PLAA: variants seen among roughly 807,000 people sequenced by gnomAD.
PLAA encodes the protein phospholipase A-2-activating protein.
PLAA carries 48 observed loss-of-function variants against 84.1 expected under a neutral mutation model. The observed-to-expected ratio is 0.57, with a 90% CI of 0.45 to 0.73. The LOEUF is 0.73. PLAA is among the 30% of genes least tolerant of loss of function. PLAA has a pLI of 0.00. For missense variants in PLAA, 903 were observed against 954.7 expected (o/e 0.95, Z 0.71); for synonymous variants, 392 against 336.6 (o/e 1.16, Z -1.80).
In PLAA at chr9:26,919,538, G is replaced by C; in HGVS notation, c.1198-9C>G. The C allele has an allele frequency of 1.4e-6, 2 of 1,479,192 alleles. No individual in the cohort carries two copies. The highest frequency in any genetic ancestry group is 1.1e-5 in the South Asian group (1 of 87,588). 91.6% of individuals were successfully genotyped at this position (1,479,192 alleles called of 1,614,324 possible). ...AAAACATAATCAAATTCCTAAAGTA[G>C]GAATATAAAAAGGAGATACATGCTT... On this transcript the variant is annotated splice_polypyrimidine_tract_variant and intron_variant, in intron 8 of 13. Transcript: ENST00000397292.
In PLAA at chr9:26,947,109, C is replaced by A; in HGVS notation, c.-64G>T. On this transcript the variant is annotated 5_prime_UTR_variant, in exon 1 of 14. Coordinates refer to ENST00000397292, the MANE Select transcript of PLAA (RefSeq NM_001031689.3). ...GCGAGACCAGTCCGCAGGGGCGACT[C>A]GGAGAGCGCCGGGCCGCGGCGGGAG... 7.1e-7 allele frequency: 1 copy of A among 1,408,760 alleles called. No homozygotes were observed. 87.3% of individuals were successfully genotyped at this position (1,408,760 alleles called of 1,614,324 possible). A position where few individuals can be genotyped will look rare whatever the true frequency, so the allele number is the denominator to read the frequency against.
chr9:26,919,575 A>G (rs753591699), intron 8 of PLAA, 46 bp from the exon 9 acceptor site: 1 of 998,310 alleles, frequency 1.0e-6, no homozygotes, highest in African/African-American at 1.6e-5. Flanking sequence ...TTATCTGTTC[A>G]CATATATTAA....
intron 6 of PLAA, 33 bp downstream of exon 6, chr9:26,925,792 A>G (rs1034582152): frequency 2.5e-6 from 4 of 1,606,040 alleles, no homozygotes; most frequent in South Asian, 1.1e-5. Context: ...GCCTAGACAT[A>G]TAACATTTAA....
At chr9:26,917,074 C>A (rs757816431) in intron 10 of PLAA, 23 bp downstream of exon 10, 3 of 1,594,252 alleles carry the variant, frequency 1.9e-6, no homozygotes, top group Non-Finnish European at 2.6e-6. Context: ...AAGAAAGATA[C>A]ATGAATCAAA....
chr9:26,928,394 A>C lies in PLAA; in HGVS notation c.358T>G (p.Ser120Ala). ...GHKNTVCSLS[S>A]GKFGTLLSGS... ...CTAAGTAATGTCCCAAATTTTCCAG[A>C]TGATAGACTACAAACTAAGGAAAAA... Residue 120 changes from serine to alanine, a missense_variant, in exon 3 of 14, where the codon TCT becomes GCT. Transcript: ENST00000397292. 6.2e-7 allele frequency: 1 copy of C among 1,608,378 alleles called. No homozygotes were observed.
intron 1 of PLAA, among the ~76,000 whole-genome samples, chr9:26,944,023 C>T (rs762399312): frequency 6.6e-6 from 1 of 152,154 alleles, no homozygotes; most frequent in Non-Finnish European, 1.5e-5. Context: ...GTGCTGGAAA[C>T]TTAACCTTCA....
chr9:26,941,512 A>G (rs1055805388), intron 1 of PLAA, among the ~76,000 whole-genome samples: 1 of 152,176 alleles, frequency 6.6e-6, no homozygotes, highest in Non-Finnish European at 1.5e-5. Flanking sequence ...TTCTCTACCC[A>G]TAACACTGAG....
At chr9:26,909,517 G>T (rs1392483353) in intron 12 of PLAA, among the ~76,000 whole-genome samples, 1 of 151,920 alleles carries the variant, frequency 6.6e-6, no homozygotes, top group Non-Finnish European at 1.5e-5. Context: ...AAGCTAATAA[G>T]TACTCTTAGT....
At position 26,906,040 on chromosome 9, in the gene PLAA, G is replaced by T; in HGVS notation, c.1859C>A (p.Ser620Ter). The change falls in exon 14 of 14, where the codon TCA becomes TAA. Residue 620 changes from serine to a stop codon, truncating the protein, a stop_gained. Transcript: ENST00000397292. LOFTEE classifies it high-confidence loss of function. Reference sequence around the variant, plus strand: ...CTCATTCACACTGGGGTGTTTAATTGACAACCGAAGAATGTCAAGTGCAGG... The same window carrying T: ...CTCATTCACACTGGGGTGTTTAATTTACAACCGAAGAATGTCAAGTGCAGG... ...VFPALDILRL[S>*]IKHPSVNENF... The T allele has an allele frequency of 6.3e-7, 1 of 1,580,340 alleles. No individual in the cohort carries two copies.
Position 26,920,214 on chromosome 9 carries a change from G to A in PLAA, c.1197+13C>T. 1 of 1,606,368 alleles carries A rather than the reference G, an allele frequency of 6.2e-7. No homozygotes were observed. Among genetic ancestry groups the A allele is most frequent in the Non-Finnish European group, 8.5e-7 (1 of 1,173,500 alleles). ...TTAAGACAATAGTAATTAGAAAGTA[G>A]AAGTCGACATACTTTCCCTTCATAT... is the stretch of plus-strand genomic sequence containing the variant. On this transcript the variant is annotated intron_variant, in intron 8 of 13. Transcript: ENST00000397292.
chr9:26,922,266 GTTTT>G (rs776925414), intron 7 of PLAA, among the ~76,000 whole-genome samples: 2 of 146,538 alleles, frequency 1.4e-5, no homozygotes, highest in African/African-American at 5.1e-5. Context: ...ATGGCAAACT[GTTTT>G]TTTTTGTTTT....
intron 1 of PLAA, among the ~76,000 whole-genome samples, chr9:26,938,325 A>G (rs1000539482): frequency 6.6e-6 from 1 of 152,120 alleles, no homozygotes; most frequent in East Asian, 1.9e-4. Flanking sequence ...GAGTGCTGCG[A>G]CCACACTCAA....
At chr9:26,920,195 C>A (rs777286938) in intron 8 of PLAA, 32 bp downstream of exon 8, 11 of 1,581,992 alleles carry the variant, frequency 7.0e-6, no homozygotes, top group Non-Finnish European at 9.5e-6. Context: ...ATATTTAAGA[C>A]AATAGTAATT....
At chr9:26,935,909 T>C (rs1825344143) in intron 1 of PLAA, among the ~76,000 whole-genome samples, 1 of 151,612 alleles carries the variant, frequency 6.6e-6, no homozygotes, top group Non-Finnish European at 1.5e-5. Context: ...AGTACATTAA[T>C]AATTGCACTG....
At chr9:26,924,091 T>A (rs1824860927) in intron 6 of PLAA, among the ~76,000 whole-genome samples, 1 of 152,126 alleles carries the variant, frequency 6.6e-6, no homozygotes, top group Non-Finnish European at 1.5e-5. Flanking sequence ...AAACACCCAC[T>A]TTATTAGACC....
Position 26,905,435 on chromosome 9 carries a change from T to G in PLAA, c.*76A>C. Reference sequence around the variant, plus strand: ...ATCCACCGTATTCTCTTTTTTTAATTATCTGTTATCAGTCATGTCAAATGT... The same window carrying G: ...ATCCACCGTATTCTCTTTTTTTAATGATCTGTTATCAGTCATGTCAAATGT... On this transcript the variant is annotated 3_prime_UTR_variant, in exon 14 of 14. Transcript: ENST00000397292. 1 of 1,079,636 alleles carries G rather than the reference T, an allele frequency of 9.3e-7. No homozygotes were observed. The highest frequency in any genetic ancestry group is 1.4e-6 in the Non-Finnish European group (1 of 740,596). 66.9% of individuals were successfully genotyped at this position (1,079,636 alleles called of 1,614,324 possible).
At chr9:26,935,434 G>A (rs567569765) in intron 1 of PLAA, among the ~76,000 whole-genome samples, 10 of 152,218 alleles carry the variant, frequency 6.6e-5, no homozygotes, top group East Asian at 1.9e-4. Context: ...ATAAGAATAC[G>A]TTAACATAGA....
Position 26,934,947 on chromosome 9 carries a change from T to C in PLAA, c.343+66A>G, listed in dbSNP as rs34140385. On this transcript the variant is annotated intron_variant, in intron 2 of 13. Coordinates refer to ENST00000397292, the MANE Select transcript of PLAA (RefSeq NM_001031689.3). Reference sequence around the variant, plus strand: ...TAATAAAAACTTGAGAAAATGGATATGTAAATTTTACTTTCAAAGGGATAA... The same window carrying C: ...TAATAAAAACTTGAGAAAATGGATACGTAAATTTTACTTTCAAAGGGATAA... 361 of 1,184,822 alleles carry C rather than the reference T, an allele frequency of 3.0e-4. 2 individuals carry two copies. The highest frequency in any genetic ancestry group is 2.7e-3 in the East Asian group (107 of 39,202). 73.4% of individuals were successfully genotyped at this position (1,184,822 alleles called of 1,614,324 possible). A position where few individuals can be genotyped will look rare whatever the true frequency, so the allele number is the denominator to read the frequency against.
chr9:26,925,394 C>T (rs899602374), intron 6 of PLAA, among the ~76,000 whole-genome samples: 2 of 152,248 alleles, frequency 1.3e-5, no homozygotes, highest in East Asian at 3.8e-4. Flanking sequence ...CATTTTCCTT[C>T]ACTTCCTATG....
Sources: gnomAD v4.1 joint callset for allele counts (sites outside exome capture counted in the v4.1 genomes callset) on GRCh38, gnomAD v4.1.1 for gene constraint, MANE v1.5 for transcripts, NCBI Gene and HGNC (gene_info 2026-07-23, HGNC 2026-07-21) for gene names.